The following CNTN5 variants were observed in gnomAD, a reference collection of about 807,000 sequenced individuals.
CNTN5 encodes contactin 5.
Under a neutral mutation model 129.1 loss-of-function variants are expected in CNTN5, and 77 were observed. The observed-to-expected ratio is 0.60, with a 90% CI of 0.50 to 0.72. The LOEUF is 0.72. CNTN5 is among the 30% of genes least tolerant of loss of function. The probability of loss-of-function intolerance (pLI) is 0.00; values close to 1 mark genes in which losing one functional copy is unlikely to be tolerated. For synonymous variants in CNTN5, 509 were observed against 465.6 expected, an observed-to-expected ratio of 1.09 and a Z score of -1.20; for missense variants, 1,478 against 1,328.8, an observed-to-expected ratio of 1.11 and a Z score of -1.75.
At chr11:99,727,321 A>AAAAAAAAAAAAAAAAAT (rs1319837016) in intron 3 of CNTN5, among the ~76,000 whole-genome samples, 1 of 123,478 alleles carries the variant, frequency 8.1e-6, no homozygotes, top group Non-Finnish European at 1.7e-5. Flanking sequence ...TCAAAAAAAA[A>AAAAAAAAAAAAAAAAAT]AAAAAAAAAA....
At chr11:99,824,152 G>A (rs1946882706) in intron 4 of CNTN5, among the ~76,000 whole-genome samples, 1 of 151,908 alleles carries the variant, frequency 6.6e-6, no homozygotes, top group Non-Finnish European at 1.5e-5. Context: ...TGTATTATAA[G>A]TATTTTAGGA....
intron 13 of CNTN5, among the ~76,000 whole-genome samples, chr11:100,084,866 CCTTT>C (rs1944489790): frequency 6.6e-6 from 1 of 151,986 alleles, no homozygotes; most frequent in Non-Finnish European, 1.5e-5. Context: ...AGAGAGAAAA[CCTTT>C]CTTTCTCTAC....
At chr11:99,559,394 A>G (rs925105100) in intron 3 of CNTN5, among the ~76,000 whole-genome samples, 2 of 152,122 alleles carry the variant, frequency 1.3e-5, no homozygotes, top group Non-Finnish European at 2.9e-5. Context: ...ACCTAACTCT[A>G]TGTTTGAAAA....
intron 2 of CNTN5, among the ~76,000 whole-genome samples, chr11:99,547,746 TCTTA>T (rs755797697): frequency 1.4e-4 from 21 of 152,216 alleles, no homozygotes; most frequent in Non-Finnish European, 2.1e-4. Flanking sequence ...TTTATATTTG[TCTTA>T]CTTTTTACCC....
chr11:99,631,541 A>G (rs1171355041), intron 3 of CNTN5, among the ~76,000 whole-genome samples: 2 of 152,062 alleles, frequency 1.3e-5, no homozygotes, highest in East Asian at 1.9e-4. Context: ...ATTGTATTCT[A>G]TTTATTTCCT....
At chr11:99,331,148 C>T (rs913327025) in intron 2 of CNTN5, among the ~76,000 whole-genome samples, 2 of 151,996 alleles carry the variant, frequency 1.3e-5, no homozygotes, top group Non-Finnish European at 2.9e-5. Context: ...AAAATTAAGA[C>T]AGTGTGTTTT....
intron 3 of CNTN5, among the ~76,000 whole-genome samples, chr11:99,651,616 C>T (rs1260458874): frequency 6.6e-6 from 1 of 151,874 alleles, no homozygotes; most frequent in African/African-American, 2.4e-5. Context: ...TGTGTTTCAT[C>T]TAGGAGAACA....
intron 3 of CNTN5, among the ~76,000 whole-genome samples, chr11:99,609,227 T>C (rs1950523098): frequency 6.7e-6 from 1 of 149,182 alleles, no homozygotes; most frequent in Non-Finnish European, 1.5e-5. Context: ...TACTGATGTC[T>C]CTTTGTATTT....
chr11:100,045,985 T>G (rs946775411), intron 9 of CNTN5, among the ~76,000 whole-genome samples: 1 of 151,906 alleles, frequency 6.6e-6, no homozygotes, highest in African/African-American at 2.4e-5. Flanking sequence ...ATACTTTAAG[T>G]TAGGGTACAT....
At chr11:99,656,730 G>T (rs1468513194) in intron 3 of CNTN5, among the ~76,000 whole-genome samples, 1 of 152,102 alleles carries the variant, frequency 6.6e-6, no homozygotes, top group Non-Finnish European at 1.5e-5. Context: ...GAGCAACAAG[G>T]CTGCAAAACA....
intron 1 of CNTN5, among the ~76,000 whole-genome samples, chr11:99,149,427 G>T (rs1859940155): frequency 6.6e-6 from 1 of 152,084 alleles, no homozygotes; most frequent in Non-Finnish European, 1.5e-5. Context: ...TATAAAAATT[G>T]CTAGTTTTTA....
intron 3 of CNTN5, among the ~76,000 whole-genome samples, chr11:99,727,800 A>G (rs1397664749): frequency 3.3e-5 from 5 of 152,110 alleles, no homozygotes; most frequent in Non-Finnish European, 7.4e-5. Context: ...TGTCATATTT[A>G]TTGTGTTTTT....
chr11:100,136,843 A>T (rs1169986665), intron 13 of CNTN5, among the ~76,000 whole-genome samples: 2 of 151,888 alleles, frequency 1.3e-5, no homozygotes, highest in African/African-American at 4.8e-5. Flanking sequence ...AAAAAAAGAA[A>T]AATAATATGT....
At chr11:99,372,268 G>GT in intron 2 of CNTN5, among the ~76,000 whole-genome samples, 1 of 152,158 alleles carries the variant, frequency 6.6e-6, no homozygotes, top group Admixed American at 6.5e-5. Context: ...AAACGGTTCT[G>GT]TTTTTTCTAC....
chr11:100,252,772 T>C (rs1013565695), intron 16 of CNTN5, among the ~76,000 whole-genome samples: 1 of 152,162 alleles, frequency 6.6e-6, no homozygotes, highest in African/African-American at 2.4e-5. Context: ...TGGATCTCTC[T>C]CTCCACAGAC....
chr11:100,148,297 A>C (rs921386823), intron 13 of CNTN5, among the ~76,000 whole-genome samples: 2 of 152,178 alleles, frequency 1.3e-5, no homozygotes, highest in Non-Finnish European at 2.9e-5. Flanking sequence ...ATCAGTATCT[A>C]TACATGGAGA....
chr11:100,065,948 T>C (rs1342470834), intron 10 of CNTN5, among the ~76,000 whole-genome samples: 1 of 152,100 alleles, frequency 6.6e-6, no homozygotes, highest in Non-Finnish European at 1.5e-5. Flanking sequence ...CTCTAGGAAA[T>C]GATATAAAAT....
chr11:99,341,941 C>G (rs1234951453), intron 2 of CNTN5, among the ~76,000 whole-genome samples: 1 of 151,946 alleles, frequency 6.6e-6, no homozygotes, highest in African/African-American at 2.4e-5. Flanking sequence ...TAATTAGCAT[C>G]CAAGGAGGAA....
At chr11:99,871,801 T>G (rs1179514600) in intron 6 of CNTN5, among the ~76,000 whole-genome samples, 1 of 152,058 alleles carries the variant, frequency 6.6e-6, no homozygotes, top group African/African-American at 2.4e-5. Flanking sequence ...TGGTACAATG[T>G]TTACTTCTGA....
Sources: gnomAD v4.1 joint callset for allele counts (sites outside exome capture counted in the v4.1 genomes callset) on GRCh38, gnomAD v4.1.1 for gene constraint, MANE v1.5 for transcripts, NCBI Gene and HGNC (gene_info 2026-07-23, HGNC 2026-07-21) for gene names.